LARP7: variants seen among roughly 807,000 people sequenced by gnomAD.
LARP7 encodes the protein La ribonucleoprotein 7, transcriptional regulator.
LARP7 carries 52 observed loss-of-function variants against 69.3 expected under a neutral mutation model. The ratio of observed to expected loss-of-function variants is 0.75; its 90% CI spans 0.60 to 0.95. The LOEUF is 0.95. Among genes scored for constraint, LARP7 ranks in the 40% least tolerant of loss-of-function variants. The pLI is 0.00. For synonymous variants in LARP7, 254 were observed against 215.9 expected, an observed-to-expected ratio of 1.18 and a Z score of -1.55; for missense variants, 733 against 673.0, an observed-to-expected ratio of 1.09 and a Z score of -0.99.
intron 1 of LARP7, among the ~76,000 whole-genome samples, chr4:112,640,824 G>A (rs1023888151): frequency 2.6e-5 from 4 of 152,206 alleles, no homozygotes; most frequent in Admixed American, 1.3e-4. Flanking sequence ...TAGATTGAGC[G>A]GAAAGAGGTA....
chr4:112,641,284 G>A (rs2047950646), intron 1 of LARP7, among the ~76,000 whole-genome samples: 1 of 151,908 alleles, frequency 6.6e-6, no homozygotes, highest in Non-Finnish European at 1.5e-5. Flanking sequence ...CAGCTACTTG[G>A]GAGTTAAGGC....
intron 1 of LARP7, chr4:112,644,460 A>G: frequency 8.4e-7 from 1 of 1,193,806 alleles, no homozygotes; most frequent in Non-Finnish European, 1.1e-6. Flanking sequence ...GGTACAAAGA[A>G]ACTAAAGCTA....
At chr4:112,639,208 CT>C (rs1160467036) in intron 1 of LARP7, among the ~76,000 whole-genome samples, 278 of 132,380 alleles carry the variant, frequency 2.1e-3, no homozygotes, top group African/African-American at 5.8e-3. Context: ...TTAAATGTTA[CT>C]TTTTTTTTTT....
Position 112,657,170 on chromosome 4 carries a change from T to TTGTGTGTG in LARP7, c.1669-53_1669-46dup, listed in dbSNP as rs35719274. 21,705 of 515,370 alleles carry TTGTGTGTG rather than the reference T, an allele frequency of 0.042. 362 individuals are homozygous for TTGTGTGTG. Among genetic ancestry groups the TTGTGTGTG allele is most frequent in the South Asian group, 0.11 (1,491 of 14,060 alleles). The allele number at this position is 515,370 out of a possible 1,614,324, so 31.9% of individuals were successfully genotyped here. A position where few individuals can be genotyped will look rare whatever the true frequency, so the allele number is the denominator to read the frequency against. On this transcript the variant is annotated intron_variant, in intron 12 of 12. Transcript: ENST00000344442. ...TGTGAAATTTTTTCTAGTCATAGTT[T>TTGTGTGTG]TGTGTGTGTGTGTGTGTGTGTGTGT...
At chr4:112,650,611 G>T in intron 10 of LARP7, 29 bp downstream of exon 10, 1 of 1,589,222 alleles carries the variant, frequency 6.3e-7, no homozygotes, top group East Asian at 2.3e-5. Flanking sequence ...TAGGGTATTT[G>T]TTCCTTTCTT....
At chr4:112,645,631 T>A (rs1578573432) in intron 2 of LARP7, 1 of 397,374 alleles carries the variant, frequency 2.5e-6, no homozygotes, top group Non-Finnish European at 4.8e-6. Context: ...CAAGCGATCC[T>A]CCATCAGCCT....
chr4:112,650,693 C>T (rs2048688730), intron 10 of LARP7, 111 bp downstream of exon 10: 1 of 1,216,720 alleles, frequency 8.2e-7, no homozygotes, highest in Non-Finnish European at 1.1e-6. Context: ...AATTTGTTTC[C>T]CTATGGTAAA....
In LARP7 at chr4:112,657,518, T is replaced by G; in HGVS notation, c.*191T>G. On this transcript the variant is annotated 3_prime_UTR_variant, in exon 13 of 13. Coordinates refer to ENST00000344442, the MANE Select transcript of LARP7 (RefSeq NM_016648.4). The stretch of plus-strand genomic sequence containing the variant: ...GTATACCACAATTTTTCTTAAACAT[T>G]TTATTTGTTGAAATTATCTTAGATG... 1 of 351,494 alleles carries G rather than the reference T, an allele frequency of 2.8e-6. No homozygotes were observed. Among genetic ancestry groups the G allele is most frequent in the Non-Finnish European group, 5.2e-6 (1 of 191,754 alleles). 21.8% of individuals were successfully genotyped at this position (351,494 alleles called of 1,614,324 possible).
chr4:112,649,902 C>T (rs2048634641), intron 9 of LARP7: 2 of 315,594 alleles, frequency 6.3e-6, no homozygotes, highest in Admixed American at 1.0e-4. Flanking sequence ...TTTAAATAAC[C>T]TGAGTTTTCT....
intron 12 of LARP7, among the ~76,000 whole-genome samples, chr4:112,655,048 A>C (rs546673494): frequency 6.6e-6 from 1 of 151,858 alleles, no homozygotes; most frequent in African/African-American, 2.4e-5. Context: ...TTTTTCATCA[A>C]CCTTCTTCTA....
chr4:112,646,939 C>T lies in LARP7; in HGVS notation c.536C>T (p.Ala179Val). The change falls in exon 5 of 13, where the codon GCA (alanine) becomes GTA (valine). Residue 179 changes from alanine (A) to valine (V), a missense_variant. By Grantham distance (64) the Ala-to-Val change is moderately conservative. Transcript: ENST00000344442. ...AFVEFETKEQAAKAIEFLNNP... is the reference protein window; with the variant it reads ...AFVEFETKEQVAKAIEFLNNP... ...GTGGAATTTGAAACAAAAGAACAAG[C>T]AGCAAAAGCAATTGAGGTAAGTCCA... 6.2e-7 allele frequency: 1 copy of T among 1,600,586 alleles called. No homozygotes were observed. Among genetic ancestry groups the T allele is most frequent in the South Asian group, 1.1e-5 (1 of 87,872 alleles).
intron 8 of LARP7, chr4:112,648,360 A>T (rs1288807993): frequency 5.6e-6 from 3 of 534,458 alleles, no homozygotes; most frequent in African/African-American, 3.8e-5. Context: ...TGGCTTGGAG[A>T]CACCTCCACT....
intron 1 of LARP7, among the ~76,000 whole-genome samples, chr4:112,642,506 A>T (rs1185936530): frequency 1.3e-5 from 2 of 152,196 alleles, no homozygotes; most frequent in Admixed American, 6.5e-5. Flanking sequence ...ACTGGATATC[A>T]CTTTGAAACA....
chr4:112,652,266 C>T (rs72902762), intron 10 of LARP7, among the ~76,000 whole-genome samples: 9,167 of 140,764 alleles, frequency 0.065, 821 homozygotes, highest in African/African-American at 0.21. Context: ...TAGGTCAAAA[C>T]GAAAGGGAGG....
In LARP7 at chr4:112,657,339, G is replaced by C. The variant is rs1230402165; in HGVS notation, c.*12G>C. 11 of 1,438,438 alleles carry C rather than the reference G, an allele frequency of 7.6e-6. No individual in the cohort carries two copies. Among genetic ancestry groups the C allele is most frequent in the Non-Finnish European group, 1.1e-5 (11 of 1,044,648 alleles). 89.1% of individuals were successfully genotyped at this position (1,438,438 alleles called of 1,614,324 possible). A position where few individuals can be genotyped will look rare whatever the true frequency, so the allele number is the denominator to read the frequency against. ...CTGAATATGATTGAAAAAAAAAACA[G>C]TTCACCTCTTAATACTTCACAAGAT... On this transcript the variant is annotated 3_prime_UTR_variant, in exon 13 of 13. Transcript: ENST00000344442.
At chr4:112,646,267 A>AGG (rs998170923) in intron 2 of LARP7, 84 bp from the exon 3 acceptor site, 1 of 663,646 alleles carries the variant, frequency 1.5e-6, no homozygotes, top group African/African-American at 1.9e-5. Flanking sequence ...ACCGAGCCTG[A>AGG]GGGCCTGAGG....
intron 8 of LARP7, chr4:112,648,447 G>C (rs1171864588): frequency 1.9e-6 from 1 of 534,066 alleles, no homozygotes; most frequent in Non-Finnish European, 3.8e-6. Context: ...CTTCAAATGA[G>C]GTTAGCGTGT....
At chr4:112,643,662 A>G (rs1313600422) in intron 1 of LARP7, among the ~76,000 whole-genome samples, 1 of 152,098 alleles carries the variant, frequency 6.6e-6, no homozygotes, top group Non-Finnish European at 1.5e-5. Flanking sequence ...AGCCTGGCCA[A>G]CATGGTGAAA....
rs1354343456 is a variant in LARP7 at position 112,641,366 on chromosome 4, T to C, written c.-2-3302T>C. On this transcript the variant is annotated intron_variant, in intron 1 of 12. Coordinates refer to ENST00000344442, the MANE Select transcript of LARP7 (RefSeq NM_016648.4). The stretch of plus-strand genomic sequence containing the variant: ...TCGCGCCACTGCACTCCAGCCTGGG[T>C]GACAGAGTGAGACTCCGTCTCAGGG... 2.7e-5 allele frequency among the ~76,000 whole-genome samples: 4 copies of C among 150,532 alleles called. No individual in the cohort carries two copies. In the East Asian group the frequency reaches 5.9e-4, roughly 22 times the overall value.
Sources: gnomAD v4.1 joint callset for allele counts (sites outside exome capture counted in the v4.1 genomes callset) on GRCh38, gnomAD v4.1.1 for gene constraint, MANE v1.5 for transcripts, NCBI Gene and HGNC (gene_info 2026-07-23, HGNC 2026-07-21) for gene names.